NIPBL: variants seen among roughly 807,000 people sequenced by gnomAD.
NIPBL encodes nipped-B-like protein.
NIPBL carries 19 observed loss-of-function variants against 321.8 expected under a neutral mutation model. The observed-to-expected ratio is 0.06, with a 90% CI of 0.04 to 0.09. NIPBL has a LOEUF of 0.09. Among genes scored for constraint, NIPBL ranks in the 10% least tolerant of loss-of-function variants. The pLI is 1.00. For synonymous variants in NIPBL, 1,106 were observed against 1,114.1 expected (o/e 0.99, Z 0.14); for missense variants, 2,210 against 3,327.0 (o/e 0.66, Z 8.26).
intron 42 of NIPBL, among the ~76,000 whole-genome samples, chr5:37,055,340 GACTCCATC>G (rs1211566623): frequency 2.2e-5 from 3 of 133,768 alleles, no homozygotes; most frequent in African/African-American, 9.4e-5. Flanking sequence ...GACAGAGCGA[GACTCCATC>G]TCAACAGTAA....
chr5:36,930,887 C>T (rs1554063335), intron 1 of NIPBL, among the ~76,000 whole-genome samples: 1 of 152,030 alleles, frequency 6.6e-6, no homozygotes. Flanking sequence ...CAGGATAAAT[C>T]CCATTTGGTC....
At chr5:37,040,782 T>C (rs1426931919) in intron 34 of NIPBL, among the ~76,000 whole-genome samples, 1 of 152,228 alleles carries the variant, frequency 6.6e-6, no homozygotes. Flanking sequence ...TCTTGCCATT[T>C]TGCAGTGGAT....
At chr5:36,920,520 G>A (rs979961637) in intron 1 of NIPBL, among the ~76,000 whole-genome samples, 1 of 152,074 alleles carries the variant, frequency 6.6e-6, no homozygotes, top group Non-Finnish European at 1.5e-5. Context: ...TAGTATTTTT[G>A]ATAAGAAAGC....
At chr5:37,031,529 T>C (rs1751017459) in intron 32 of NIPBL, among the ~76,000 whole-genome samples, 1 of 152,190 alleles carries the variant, frequency 6.6e-6, no homozygotes, top group Non-Finnish European at 1.5e-5. Context: ...AAAAATTAAA[T>C]AGATTTTACA....
intron 33 of NIPBL, among the ~76,000 whole-genome samples, chr5:37,038,165 T>A (rs1410237833): frequency 1.3e-5 from 2 of 152,022 alleles, no homozygotes; most frequent in African/African-American, 4.8e-5. Context: ...AATTTTTTAT[T>A]TTTCTGTAGA....
At chr5:37,024,750 A>T (rs1371407886) in intron 30 of NIPBL, 31 bp downstream of exon 30, 1 of 1,562,638 alleles carries the variant, frequency 6.4e-7, no homozygotes, top group Admixed American at 1.7e-5. Context: ...TTTATTTTTC[A>T]TTAATGTTTA....
At chr5:36,895,674 CTG>C (rs1343444034) in intron 1 of NIPBL, among the ~76,000 whole-genome samples, 1 of 152,146 alleles carries the variant, frequency 6.6e-6, no homozygotes, top group Non-Finnish European at 1.5e-5. Flanking sequence ...AGTGGTATCT[CTG>C]TGTGGCTTTG....
At chr5:37,026,416 G>A (rs1208058087) in intron 31 of NIPBL, 89 bp downstream of exon 31, 9 of 769,588 alleles carry the variant, frequency 1.2e-5, no homozygotes, top group Non-Finnish European at 1.9e-5. Flanking sequence ...ACAATAATGA[G>A]ATATTTCATT....
chr5:36,995,927 T>G lies in NIPBL; in HGVS notation c.3304+123T>G. 4.9e-6 allele frequency: 4 copies of G among 816,066 alleles called. No homozygotes were observed. The East Asian group carries it at 1.1e-4, about 22-fold the overall frequency. 50.6% of individuals were successfully genotyped at this position (816,066 alleles called of 1,614,324 possible). On this transcript the variant is annotated intron_variant, in intron 11 of 46. Transcript: ENST00000282516. ...CACCTTAATTCTTAATAACACAGTA[T>G]AGTAAGTTTTTTTCTCTATACTTTA... is the stretch of plus-strand genomic sequence containing the variant.
chr5:37,053,156 G>C (rs1176502484), intron 42 of NIPBL, among the ~76,000 whole-genome samples: 2 of 152,070 alleles, frequency 1.3e-5, no homozygotes, highest in Non-Finnish European at 2.9e-5. Flanking sequence ...TTCTTTGTGG[G>C]GTGAACATCT....
intron 42 of NIPBL, 114 bp from the exon 43 acceptor site, chr5:37,057,072 C>A: frequency 1.0e-6 from 1 of 984,890 alleles, no homozygotes; most frequent in Non-Finnish European, 1.6e-6. Context: ...GTCTGCTTAT[C>A]TCTGTCTAAC....
chr5:36,943,551 A>G (rs985752151), intron 1 of NIPBL, among the ~76,000 whole-genome samples: 1 of 152,160 alleles, frequency 6.6e-6, no homozygotes, highest in South Asian at 2.1e-4. Flanking sequence ...TAACTATAAA[A>G]AAAAAACCCT....
chr5:36,894,452 T>C (rs1746578047), intron 1 of NIPBL, among the ~76,000 whole-genome samples: 1 of 152,196 alleles, frequency 6.6e-6, no homozygotes. Context: ...CTTTCAAAAA[T>C]ACATGTATAT....
chr5:36,963,789 A>G (rs2149609802), intron 6 of NIPBL, among the ~76,000 whole-genome samples: 1 of 152,300 alleles, frequency 6.6e-6, no homozygotes, highest in East Asian at 1.9e-4. Context: ...ACCTATCTCA[A>G]AGAAAAGAAA....
intron 1 of NIPBL, among the ~76,000 whole-genome samples, chr5:36,888,152 G>A (rs1746055714): frequency 6.6e-6 from 1 of 152,106 alleles, no homozygotes; most frequent in South Asian, 2.1e-4. Flanking sequence ...GAAAGATTTA[G>A]CAGTAATTGT....
intron 1 of NIPBL, among the ~76,000 whole-genome samples, chr5:36,881,162 A>AT (rs1208638568): frequency 3.3e-5 from 5 of 151,954 alleles, no homozygotes; most frequent in African/African-American, 1.2e-4. Flanking sequence ...TTTCTGGTTG[A>AT]TTTAAAAGGA....
intron 4 of NIPBL, among the ~76,000 whole-genome samples, chr5:36,959,284 C>T (rs1741327714): frequency 6.6e-6 from 1 of 152,196 alleles, no homozygotes; most frequent in African/African-American, 2.4e-5. Context: ...GCAGCACTTC[C>T]ATGATGCTTC....
intron 33 of NIPBL, 30 bp from the exon 34 acceptor site, chr5:37,038,572 A>T: frequency 6.2e-7 from 1 of 1,603,894 alleles, no homozygotes; most frequent in Non-Finnish European, 8.5e-7. Context: ...GTCATATTTT[A>T]GTGTCTTATT....
In NIPBL at chr5:36,972,048, C is replaced by T. The variant is rs1420447219; in HGVS notation, c.868+7C>T. ...AGTGAAGGAACTCCTAAAGGTACTA[C>T]TGTAACTAAAATTTCCTTCTGTATA... On this transcript the variant is annotated splice_region_variant and intron_variant, in intron 8 of 46. Transcript: ENST00000282516. 1.3e-6 allele frequency: 2 copies of T among 1,581,218 alleles called. No homozygotes were observed. The highest frequency in any genetic ancestry group is 1.7e-6 in the Non-Finnish European group (2 of 1,150,614).
Sources: gnomAD v4.1 joint callset for allele counts (sites outside exome capture counted in the v4.1 genomes callset) on GRCh38, gnomAD v4.1.1 for gene constraint, MANE v1.5 for transcripts, NCBI Gene and HGNC (gene_info 2026-07-23, HGNC 2026-07-21) for gene names.